C5: variants seen among roughly 807,000 people sequenced by gnomAD.
C5 encodes complement C5.
A neutral mutation model predicts 218.8 loss-of-function variants in C5; 140 were observed. That is an observed-to-expected ratio of 0.64 (90% CI 0.56 to 0.74). The LOEUF is 0.74. Among genes scored for constraint, C5 ranks in the 30% least tolerant of loss-of-function variants. The pLI is 0.00. For synonymous variants in C5, 614 were observed against 682.3 expected (o/e 0.90, Z 1.56); for missense variants, 1,700 against 1,969.6 (o/e 0.86, Z 2.59).
At chr9:121,050,912 G>C (rs1304968387), upstream of C5, among the ~76,000 whole-genome samples, 1 of 152,068 alleles carries the variant, frequency 6.6e-6, no homozygotes, top group Admixed American at 6.5e-5. Flanking sequence ...TTGGAGAATA[G>C]ATATTCTCCA....
At chr9:121,016,800 C>T (rs951804423) in intron 14 of C5, among the ~76,000 whole-genome samples, 1 of 152,116 alleles carries the variant, frequency 6.6e-6, no homozygotes. Flanking sequence ...GGGGAGGTCC[C>T]TAGGTTCTAA....
the C5 span, among the ~76,000 whole-genome samples, chr9:121,060,104 G>A: frequency 6.6e-6 from 1 of 152,110 alleles, no homozygotes; most frequent in Non-Finnish European, 1.5e-5. Context: ...TTTCATCAAA[G>A]CTCCTTACAT....
rs747585958 is a variant in C5, at chr9:120,997,734, G to A, written c.2603C>T (p.Ser868Leu). ...KMSAVEGICT[S>L]ESPVIDHQGT... ...CTGATGATCAATGACTGGGCTTTCC[G>A]AAGTGCAGATTCCCTCCACAGCAGA... The change falls in exon 21 of 41, where the codon TCG becomes TTG. Residue 868 changes from serine to leucine, a missense_variant. Ser to Leu is a moderately radical substitution (Grantham distance 145). Coordinates refer to ENST00000223642, the MANE Select transcript of C5 (RefSeq NM_001735.3). The A allele has an allele frequency of 7.4e-6, 12 of 1,614,032 alleles. No individual in the cohort carries two copies. Among genetic ancestry groups the A allele is most frequent in the East Asian group, 2.2e-5 (1 of 44,880 alleles).
At chr9:121,016,124 T>C (rs774640950) in intron 15 of C5, 130 bp downstream of exon 15, 1 of 1,191,870 alleles carries the variant, frequency 8.4e-7, no homozygotes. Flanking sequence ...AAACATTTTA[T>C]ACAGGTGAGT....
At chr9:120,992,706 C>T (rs1403568651) in intron 22 of C5, among the ~76,000 whole-genome samples, 1 of 152,136 alleles carries the variant, frequency 6.6e-6, no homozygotes, top group African/African-American at 2.4e-5. Context: ...CAAGACATCA[C>T]ATAAAAAGGC....
chr9:121,018,742 A>AAAGGAAGGAAGGAAGGAAAGGAAGGAAGG (rs2047336009), intron 12 of C5, among the ~76,000 whole-genome samples: 1 of 99,172 alleles, frequency 1.0e-5, no homozygotes. Flanking sequence ...GGAAGGAAGG[A>AAAGGAAGGAAGGAAGGAAAGGAAGGAAGG]AAGGAAGGAA....
intron 38 of C5, among the ~76,000 whole-genome samples, chr9:120,959,234 T>TTC (rs1490741975): frequency 1.1e-4 from 2 of 18,184 alleles, no homozygotes; most frequent in Non-Finnish European, 2.2e-4. Context: ...CCCTTCAAAT[T>TTC]TCTTTCTTTC....
chr9:121,013,833 C>T, intron 17 of C5, 40 bp downstream of exon 17: 8 of 1,535,732 alleles, frequency 5.2e-6, no homozygotes, highest in Non-Finnish European at 7.2e-6. Flanking sequence ...ACAAAATTCC[C>T]CATATTGAGC....
intron 3 of C5, 35 bp downstream of exon 3, chr9:121,042,968 TC>T: frequency 1.3e-6 from 2 of 1,564,944 alleles, no homozygotes; most frequent in Non-Finnish European, 1.8e-6. Flanking sequence ...TACTGTCAAA[TC>T]CCCCACCCAG....
chr9:120,970,314 T>C, intron 31 of C5, 63 bp from the exon 32 acceptor site: 1 of 1,033,398 alleles, frequency 9.7e-7, no homozygotes, highest in East Asian at 2.4e-5. Context: ...AAAGGTATTA[T>C]GGCAACACTG....
chr9:120,997,453 C>A, intron 21 of C5, 94 bp downstream of exon 21: 1 of 972,276 alleles, frequency 1.0e-6, no homozygotes, highest in Admixed American at 2.0e-5. Flanking sequence ...CTTAATGTTT[C>A]GTTAAATTTA....
chr9:121,011,560 G>C (rs1223353298), intron 17 of C5, among the ~76,000 whole-genome samples: 1 of 152,128 alleles, frequency 6.6e-6, no homozygotes, highest in East Asian at 1.9e-4. Flanking sequence ...ATGGAGAACA[G>C]TTTGGAGGTT....
intron 23 of C5, among the ~76,000 whole-genome samples, chr9:120,990,554 C>T (rs374207213): frequency 8.6e-5 from 13 of 152,026 alleles, no homozygotes; most frequent in East Asian, 1.9e-4. Context: ...ATCTTATAGA[C>T]GAGGTAAGAG....
In C5 at chr9:121,017,811, C is replaced by A; in HGVS notation, c.1548G>T (p.Glu516Asp). 6.2e-7 allele frequency: 1 copy of A among 1,613,800 alleles called. No homozygotes were observed. The highest frequency in any genetic ancestry group is 8.5e-7 in the Non-Finnish European group (1 of 1,179,798). Residue 516 changes from glutamate (E) to aspartate (D), a missense_variant, in exon 13 of 41, where the codon GAG becomes GAT. Physicochemically the swap from Glu to Asp is conservative, Grantham distance 45. Transcript: ENST00000223642. ...KGKIIHFGTR[E>D]KFSDASYQSI... Reference sequence around the variant, plus strand: ...TTTGATAAGATGCATCTGAAAATTTCTCCCTCGTGCCAAAGTGGATAATTT... The same window carrying A: ...TTTGATAAGATGCATCTGAAAATTTATCCCTCGTGCCAAAGTGGATAATTT...
chr9:121,021,068 T>C (rs1011421764), intron 11 of C5, among the ~76,000 whole-genome samples: 27 of 152,350 alleles, frequency 1.8e-4, no homozygotes, highest in Non-Finnish European at 2.8e-4. Context: ...GGAACTTAAA[T>C]AATATTTGCT....
At chr9:121,061,446 G>A in the C5 span, among the ~76,000 whole-genome samples, 6 of 152,210 alleles carry the variant, frequency 3.9e-5, no homozygotes, top group Middle Eastern at 3.4e-3. Flanking sequence ...TACTTGGGGC[G>A]CTGAGGCACG....
chr9:121,023,327 GT>G lies in C5; in HGVS notation c.1116+76del, dbSNP rs1367333318. The G allele has an allele frequency of 1.2e-5, 11 of 931,570 alleles. No individual in the cohort carries two copies. In the African/African-American group the frequency reaches 1.8e-4, roughly 15 times the overall value. 57.7% of individuals were successfully genotyped at this position (931,570 alleles called of 1,614,324 possible). A position where few individuals can be genotyped will look rare whatever the true frequency, so the allele number is the denominator to read the frequency against. ...GACTTCATGGCAACATTCTTACCCTGTTTGCCACCCACATGTTTTCCATGAA... is the reference window on the plus strand; with the variant it reads ...GACTTCATGGCAACATTCTTACCCTGTTGCCACCCACATGTTTTCCATGAA... On this transcript the variant is annotated intron_variant, in intron 10 of 40. Transcript: ENST00000223642.
intron 4 of C5, among the ~76,000 whole-genome samples, chr9:121,037,339 G>A (rs1286509141): frequency 2.7e-5 from 4 of 148,644 alleles, no homozygotes; most frequent in African/African-American, 9.9e-5. Context: ...TTTTGAGATG[G>A]AGTCTCACAC....
intron 30 of C5, among the ~76,000 whole-genome samples, chr9:120,973,907 A>G (rs1332492348): frequency 6.6e-6 from 1 of 151,824 alleles, no homozygotes; most frequent in Non-Finnish European, 1.5e-5. Flanking sequence ...TGAACCCAGG[A>G]GGTTGCAGTG....
Sources: allele counts gnomAD v4.1 joint callset (sites outside exome capture counted in the v4.1 genomes callset), GRCh38; gene constraint gnomAD v4.1.1; transcripts MANE v1.5; gene names NCBI Gene and HGNC (gene_info 2026-07-23, HGNC 2026-07-21).